ROBO1: variants seen among roughly 807,000 people sequenced by gnomAD.
The protein encoded by ROBO1 is roundabout guidance receptor 1.
ROBO1 carries 149 observed loss-of-function variants against 195.9 expected under a neutral mutation model. The ratio of observed to expected loss-of-function variants is 0.76; its 90% confidence interval spans 0.67 to 0.87. ROBO1 has a LOEUF of 0.87. ROBO1 is among the 40% of genes least tolerant of loss of function. The pLI is 0.00. For synonymous variants in ROBO1, 816 were observed against 733.2 expected (o/e 1.11, Z -1.82); for missense variants, 1,933 against 2,068.3 (o/e 0.93, Z 1.27).
intron 4 of ROBO1, among the ~76,000 whole-genome samples, chr3:78,797,494 T>A (rs2084219775): frequency 6.6e-6 from 1 of 152,178 alleles, no homozygotes; most frequent in Non-Finnish European, 1.5e-5. Flanking sequence ...CCTTTATAGC[T>A]GTACCTTAGC....
At chr3:79,561,857 G>A (rs1942932323) in intron 2 of ROBO1, among the ~76,000 whole-genome samples, 1 of 152,082 alleles carries the variant, frequency 6.6e-6, no homozygotes, top group Non-Finnish European at 1.5e-5. Flanking sequence ...AATTCTACAT[G>A]TCTATTAGAC....
intron 2 of ROBO1, among the ~76,000 whole-genome samples, chr3:79,190,048 G>A (rs2081510185): frequency 1.3e-5 from 2 of 151,498 alleles, no homozygotes; most frequent in African/African-American, 4.8e-5. Context: ...TTTACTTGGT[G>A]TATTTTCTGT....
intron 2 of ROBO1, among the ~76,000 whole-genome samples, chr3:79,183,914 G>C (rs1226180196): frequency 6.6e-6 from 1 of 152,214 alleles, no homozygotes; most frequent in Admixed American, 6.5e-5. Context: ...AACAAGGGAA[G>C]TTGTCAATAA....
chr3:78,960,053 T>C (rs1466849575), intron 3 of ROBO1, among the ~76,000 whole-genome samples: 1 of 152,108 alleles, frequency 6.6e-6, no homozygotes, highest in Non-Finnish European at 1.5e-5. Context: ...TGGTCCCAGC[T>C]ACTCAGGAGG....
chr3:79,670,322 T>G lies in ROBO1; in HGVS notation c.-50-80361A>C, dbSNP rs1361006470. ...GCATAAAATAGATTTAAACCTGCCA[T>G]AAATACAGCAGAATAAAGGGAATTA... On this transcript the variant is annotated intron_variant, in intron 1 of 30. Transcript: ENST00000464233. Among the ~76,000 whole-genome samples, 3 of 151,844 alleles carry G rather than the reference T, an allele frequency of 2.0e-5. 1 individual carries two copies. Among genetic ancestry groups the G allele is most frequent in the East Asian group, 1.9e-4 (1 of 5,154 alleles).
At chr3:79,201,794 C>T (rs748262352) in intron 2 of ROBO1, among the ~76,000 whole-genome samples, 7 of 151,680 alleles carry the variant, frequency 4.6e-5, no homozygotes, top group Non-Finnish European at 5.9e-5. Flanking sequence ...CAGCACTTAG[C>T]ACCTAATAAA....
chr3:78,820,669 A>T (rs914116420), intron 4 of ROBO1, among the ~76,000 whole-genome samples: 2 of 152,246 alleles, frequency 1.3e-5, no homozygotes, highest in African/African-American at 4.8e-5. Flanking sequence ...AGCTGTGGCT[A>T]GATCTATGCT....
intron 2 of ROBO1, among the ~76,000 whole-genome samples, chr3:79,538,450 G>A (rs1941953114): frequency 6.8e-6 from 1 of 147,860 alleles, no homozygotes; most frequent in Admixed American, 6.7e-5. Flanking sequence ...GTAAATGTTG[G>A]GCATATTATT....
At chr3:78,612,592 G>A (rs1219155135) in intron 28 of ROBO1, among the ~76,000 whole-genome samples, 3 of 152,134 alleles carry the variant, frequency 2.0e-5, no homozygotes, top group Non-Finnish European at 2.9e-5. Context: ...TAATCAATAT[G>A]CATGATGGGA....
At chr3:78,785,132 T>C (rs1265505984) in intron 4 of ROBO1, among the ~76,000 whole-genome samples, 1 of 152,202 alleles carries the variant, frequency 6.6e-6, no homozygotes, top group Non-Finnish European at 1.5e-5. Flanking sequence ...AGGAGTGCTT[T>C]TGCATCAACT....
chr3:78,741,222 G>C (rs1576063470), intron 5 of ROBO1, among the ~76,000 whole-genome samples: 2 of 152,186 alleles, frequency 1.3e-5, no homozygotes, highest in East Asian at 3.9e-4. Flanking sequence ...CTCTATGCCT[G>C]CAATTCCTGC....
rs567871435 is a variant in ROBO1, at chr3:79,143,024, C to T, written c.89-17485G>A. Reference sequence around the variant, plus strand: ...CAACATAAACCGTAAAAGTGTAATACGGGAGTCAGAAATGGCCATAAGATT... The same window carrying T: ...CAACATAAACCGTAAAAGTGTAATATGGGAGTCAGAAATGGCCATAAGATT... On this transcript the variant is annotated intron_variant, in intron 2 of 30. Transcript: ENST00000464233. 1.9e-3 allele frequency among the ~76,000 whole-genome samples: 293 copies of T among 152,006 alleles called. 2 individuals are homozygous for T. The highest frequency in any genetic ancestry group is 6.2e-3 in the African/African-American group (258 of 41,482).
Position 79,738,157 on chromosome 3 carries a change from G to A in ROBO1, c.-51+29595C>T, listed in dbSNP as rs138500371. On this transcript the variant is annotated intron_variant, in intron 1 of 30. Coordinates refer to ENST00000464233, the MANE Select transcript of ROBO1 (RefSeq NM_002941.4). Reference sequence around the variant, plus strand: ...AGTTTAACACCAAATAAAATAATGGGGTGGTTCTTCTTTCAATTCAGCAGT... The same window carrying A: ...AGTTTAACACCAAATAAAATAATGGAGTGGTTCTTCTTTCAATTCAGCAGT... Among the ~76,000 whole-genome samples, 20 of 152,134 alleles carry A rather than the reference G, an allele frequency of 1.3e-4. No homozygotes were observed. In the East Asian group the frequency reaches 3.7e-3, roughly 28 times the overall value.
At position 79,720,487 on chromosome 3, in the gene ROBO1, A is replaced by G. The variant is rs79746255; in HGVS notation, c.-51+47265T>C. On this transcript the variant is annotated intron_variant, in intron 1 of 30. Coordinates refer to ENST00000464233, the MANE Select transcript of ROBO1 (RefSeq NM_002941.4). ...ACCTCAGGGCCACTCAGTTAAGTCC[A>G]GTCCAACCAATGAAATACAAGAAAT... Among the ~76,000 whole-genome samples the G allele has an allele frequency of 2.1e-3, 319 of 152,358 alleles. 2 individuals are homozygous for G. Among genetic ancestry groups the G allele is most frequent in the Non-Finnish European group, 2.2e-3 (152 of 68,042 alleles).
chr3:79,230,969 A>G (rs1267211891), intron 2 of ROBO1, among the ~76,000 whole-genome samples: 1 of 152,184 alleles, frequency 6.6e-6, no homozygotes, highest in East Asian at 1.9e-4. Context: ...AGCAATGGGG[A>G]AAGTATTCCC....
chr3:79,393,961 G>A (rs147258389), intron 2 of ROBO1, among the ~76,000 whole-genome samples: 16 of 152,014 alleles, frequency 1.1e-4, no homozygotes, highest in African/African-American at 3.1e-4. Context: ...GTATAAAACC[G>A]AGTGCTCCAG....
intron 2 of ROBO1, among the ~76,000 whole-genome samples, chr3:79,300,076 G>A (rs906187662): frequency 3.3e-5 from 5 of 152,190 alleles, no homozygotes; most frequent in African/African-American, 7.2e-5. Flanking sequence ...CTCAGCCCTC[G>A]CTCGCTCTGG....
chr3:78,934,644 C>G (rs536671393), intron 4 of ROBO1, among the ~76,000 whole-genome samples: 2 of 152,022 alleles, frequency 1.3e-5, no homozygotes, highest in African/African-American at 4.8e-5. Context: ...TTCTAAGCTA[C>G]GGTGCTGATA....
At chr3:78,880,841 C>A (rs1475021691) in intron 4 of ROBO1, among the ~76,000 whole-genome samples, 1 of 152,172 alleles carries the variant, frequency 6.6e-6, no homozygotes, top group Admixed American at 6.6e-5. Context: ...TCAGCCCAAA[C>A]CAGCTCTGTA....
Sources: allele counts gnomAD v4.1 joint callset (sites outside exome capture counted in the v4.1 genomes callset), GRCh38; gene constraint gnomAD v4.1.1; transcripts MANE v1.5; gene names NCBI Gene and HGNC (gene_info 2026-07-23, HGNC 2026-07-21).